The following SIRPG variants were observed in gnomAD, a reference collection of about 807,000 sequenced individuals.
SIRPG encodes signal-regulatory protein gamma.
SIRPG carries 38 observed loss-of-function variants against 35.7 expected under a neutral mutation model. The observed-to-expected ratio is 1.06, with a 90% confidence interval of 0.82 to 1.40. The LOEUF (loss-of-function observed/expected upper bound fraction) is 1.40. Among genes scored for constraint, SIRPG ranks in the 40% most tolerant of loss-of-function variants. The pLI is 0.00. For missense variants in SIRPG, 519 were observed against 483.0 expected (o/e 1.07, Z -0.70); for synonymous variants, 215 against 190.4 (o/e 1.13, Z -1.06).
At chr20:1,644,866 G>A (rs1600214203) in intron 2 of SIRPG, among the ~76,000 whole-genome samples, 1 of 152,166 alleles carries the variant, frequency 6.6e-6, no homozygotes, top group South Asian at 2.1e-4. Context: ...CATGGGTCTC[G>A]CCAGCTGCCT....
intron 1 of SIRPG, among the ~76,000 whole-genome samples, chr20:1,649,780 G>A (rs534095913): frequency 6.6e-6 from 1 of 150,682 alleles, no homozygotes; most frequent in South Asian, 2.1e-4. Flanking sequence ...AGAACCACAT[G>A]TGTATACCAC....
the SIRPG span, chr20:1,670,269 A>C: frequency 4.3e-6 from 1 of 231,204 alleles, no homozygotes; most frequent in Non-Finnish European, 9.7e-6. Context: ...AGAAGCTCTG[A>C]CCTTGTGGCA....
chr20:1,653,888 A>G (rs1314789104), intron 1 of SIRPG, among the ~76,000 whole-genome samples: 4 of 152,228 alleles, frequency 2.6e-5, no homozygotes, highest in African/African-American at 9.6e-5. Context: ...CAAGGATGGT[A>G]TAACATTCAT....
intron 3 of SIRPG, 90 bp from the exon 4 acceptor site, chr20:1,635,689 G>A (rs1394317649): frequency 1.5e-6 from 2 of 1,358,912 alleles, no homozygotes; most frequent in East Asian, 2.3e-5. Flanking sequence ...ACCACGGTGA[G>A]GGCATCACCA....
chr20:1,681,285 G>A, the SIRPG span, among the ~76,000 whole-genome samples: 1 of 152,190 alleles, frequency 6.6e-6, no homozygotes, highest in Non-Finnish European at 1.5e-5. Context: ...AATAGAATCA[G>A]GGCCAGAAGT....
chr20:1,641,515 G>C (rs1233962407), intron 2 of SIRPG, among the ~76,000 whole-genome samples: 1 of 151,554 alleles, frequency 6.6e-6, no homozygotes, highest in Non-Finnish European at 1.5e-5. Flanking sequence ...TATTAGTCTA[G>C]CTAGTGGTCT....
At chr20:1,634,236 T>G (rs1248966118) in intron 4 of SIRPG, among the ~76,000 whole-genome samples, 1 of 142,136 alleles carries the variant, frequency 7.0e-6, no homozygotes, top group South Asian at 2.3e-4. Flanking sequence ...TGACAGAGTC[T>G]CGCTCTGTCG....
chr20:1,650,002 G>GTATATA (rs200260253), intron 1 of SIRPG, among the ~76,000 whole-genome samples: 14,846 of 80,738 alleles, frequency 0.18, 1,846 homozygotes, highest in East Asian at 0.44. Context: ...ACTTTGAAGT[G>GTATATA]TGTATATATA....
chr20:1,655,157 T>C (rs2091967817), intron 1 of SIRPG, among the ~76,000 whole-genome samples: 1 of 152,194 alleles, frequency 6.6e-6, no homozygotes, highest in South Asian at 2.1e-4. Flanking sequence ...TCTTATCTGA[T>C]CTGGTAATCT....
At chr20:1,636,772 T>G (rs187220433) in intron 2 of SIRPG, among the ~76,000 whole-genome samples, 2 of 152,326 alleles carry the variant, frequency 1.3e-5, no homozygotes, top group East Asian at 1.9e-4. Context: ...ATAGGGTGAC[T>G]TCCACCAATC....
chr20:1,659,166 C>A (rs1049480528), upstream of SIRPG, among the ~76,000 whole-genome samples: 1 of 152,182 alleles, frequency 6.6e-6, no homozygotes, highest in South Asian at 2.1e-4. Flanking sequence ...TGGTTCTCTG[C>A]CACCGTTGTG....
chr20:1,652,566 TGGTATTCTAC>T (rs1251608040), intron 1 of SIRPG, among the ~76,000 whole-genome samples: 1 of 152,178 alleles, frequency 6.6e-6, no homozygotes, highest in Non-Finnish European at 1.5e-5. Flanking sequence ...ACAAACAATA[TGGTATTCTAC>T]AAATATTTAT....
chr20:1,643,763 CT>C (rs1294372160), intron 2 of SIRPG, among the ~76,000 whole-genome samples: 3 of 152,186 alleles, frequency 2.0e-5, no homozygotes, highest in Non-Finnish European at 4.4e-5. Flanking sequence ...TTTGTGGGGA[CT>C]TTTTTTGTTG....
chr20:1,630,370 C>T, intron 4 of SIRPG, 64 bp from the exon 5 acceptor site: 1 of 1,284,386 alleles, frequency 7.8e-7, no homozygotes, highest in Admixed American at 2.3e-5. Context: ...GTAGGGGCCT[C>T]CACTTACCCC....
At chr20:1,630,085 T>C (rs1169561644) in intron 5 of SIRPG, 137 bp downstream of exon 5, 1 of 673,998 alleles carries the variant, frequency 1.5e-6, no homozygotes, top group Non-Finnish European at 2.6e-6. Context: ...TTTTAAAGGG[T>C]TCCCCAAGAC....
chr20:1,643,240 C>T (rs1051901858), intron 2 of SIRPG, among the ~76,000 whole-genome samples: 3 of 152,080 alleles, frequency 2.0e-5, no homozygotes, highest in Admixed American at 6.6e-5. Flanking sequence ...TTACATAGTC[C>T]CATATTTCTC....
chr20:1,631,995 A>T (rs1196099409), intron 4 of SIRPG, among the ~76,000 whole-genome samples: 3 of 152,168 alleles, frequency 2.0e-5, no homozygotes, highest in Non-Finnish European at 4.4e-5. Flanking sequence ...AGAGGGCAGA[A>T]AGAATAGAGG....
At chr20:1,666,168 T>C in the SIRPG span, among the ~76,000 whole-genome samples, 3 of 150,620 alleles carry the variant, frequency 2.0e-5, no homozygotes, top group South Asian at 6.3e-4. Context: ...AAAAACCTCA[T>C]AGAATAAGGA....
chr20:1,636,576 T>C, intron 2 of SIRPG, 71 bp from the exon 3 acceptor site: 1 of 1,468,178 alleles, frequency 6.8e-7, no homozygotes, highest in Non-Finnish European at 9.5e-7. Flanking sequence ...TGTGTGACAC[T>C]GTTAAGAACC....
Sources: gnomAD v4.1 joint callset for allele counts (sites outside exome capture counted in the v4.1 genomes callset) on GRCh38, gnomAD v4.1.1 for gene constraint, MANE v1.5 for transcripts, NCBI Gene and HGNC (gene_info 2026-07-23, HGNC 2026-07-21) for gene names.